Variants in ZNF626 observed in about 807,000 individuals in gnomAD.
ZNF626 encodes the protein zinc finger protein 626.
A neutral mutation model predicts 11.7 loss-of-function variants in ZNF626; 4 were observed. The observed-to-expected ratio is 0.34, with a 90% CI of 0.17 to 0.78. The LOEUF (loss-of-function observed/expected upper bound fraction) is 0.78. Among genes scored for constraint, ZNF626 ranks in the 30% least tolerant of loss-of-function variants. The pLI, the probability that ZNF626 is intolerant of heterozygous loss-of-function variation, is 0.57. For missense variants in ZNF626, 588 were observed against 587.1 expected (o/e 1.00, Z -0.01); for synonymous variants, 179 against 198.6 (o/e 0.90, Z 0.83).
At chr19:20,627,412 C>G (rs575918660) in intron 3 of ZNF626, among the ~76,000 whole-genome samples, 120 of 151,550 alleles carry the variant, frequency 7.9e-4, no homozygotes, top group Admixed American at 1.7e-3. Flanking sequence ...TGTAATCTCC[C>G]AAAGTACCAC....
chr19:20,637,193 A>T (rs1555771001), intron 3 of ZNF626, among the ~76,000 whole-genome samples: 1 of 152,142 alleles, frequency 6.6e-6, no homozygotes, highest in South Asian at 2.1e-4. Flanking sequence ...ACAATATGTA[A>T]ATGTGCATAA....
chr19:20,650,366 T>C (rs868932752), intron 1 of ZNF626, among the ~76,000 whole-genome samples: 5 of 152,214 alleles, frequency 3.3e-5, no homozygotes, highest in African/African-American at 1.2e-4. Context: ...TTTTTGTGAC[T>C]TGTGGAGCAA....
At chr19:20,643,216 A>G (rs1166889868) in intron 3 of ZNF626, among the ~76,000 whole-genome samples, 3 of 152,106 alleles carry the variant, frequency 2.0e-5, no homozygotes, top group African/African-American at 7.2e-5. Context: ...TATGTTTTAA[A>G]TATATGCTAT....
Position 20,645,734 on chromosome 19 carries a change from C to T in ZNF626, c.176G>A (p.Gly59Glu), listed in dbSNP as rs202201622. The change falls in exon 3 of 4, where the codon GGA becomes GAA. Residue 59 changes from glycine to glutamate, a missense_variant. Transcript: ENST00000601440. ...KPDLITCLEQ[G>E]RKPLTMKRNE... ...TCTCTTCATGGTCAAAGGTTTTCTT[C>T]CTTGCTCCAGACAGGTGATCAGGTC... The T allele has an allele frequency of 1.4e-4, 229 of 1,611,802 alleles. 4 individuals carry two copies. Among genetic ancestry groups the T allele is most frequent in the East Asian group, 8.9e-4 (40 of 44,860 alleles).
At chr19:20,657,705 T>C (rs1362676373) in intron 1 of ZNF626, among the ~76,000 whole-genome samples, 4 of 151,808 alleles carry the variant, frequency 2.6e-5, no homozygotes, top group Non-Finnish European at 4.4e-5. Context: ...CATAGGAGGC[T>C]GAGGCAGGAG....
intron 3 of ZNF626, among the ~76,000 whole-genome samples, chr19:20,637,486 A>AAAAAG: frequency 6.7e-6 from 1 of 148,572 alleles, no homozygotes; most frequent in African/African-American, 2.5e-5. Flanking sequence ...CTCTGTCTCA[A>AAAAAG]AAAAAAAAAA....
chr19:20,659,073 C>A (rs568201266), intron 1 of ZNF626, among the ~76,000 whole-genome samples: 1 of 152,142 alleles, frequency 6.6e-6, no homozygotes, highest in Non-Finnish European at 1.5e-5. Context: ...TAATAAAATT[C>A]TCCACCTTTT....
At chr19:20,649,121 T>C (rs184851285) in intron 1 of ZNF626, among the ~76,000 whole-genome samples, 19 of 152,248 alleles carry the variant, frequency 1.2e-4, no homozygotes, top group Admixed American at 5.2e-4. Context: ...CACTTTTTTT[T>C]CTTTCTCCTC....
chr19:20,648,620 C>T (rs1463431894), intron 1 of ZNF626, among the ~76,000 whole-genome samples: 8 of 152,150 alleles, frequency 5.3e-5, no homozygotes, highest in Admixed American at 5.2e-4. Context: ...ATCCACCTGC[C>T]TCAGCCTCCC....
chr19:20,626,875 A>C (rs1969840867), intron 3 of ZNF626, among the ~76,000 whole-genome samples: 1 of 151,766 alleles, frequency 6.6e-6, no homozygotes, highest in South Asian at 2.1e-4. Flanking sequence ...AATTAGCTGG[A>C]ATGCTGGCAG....
At chr19:20,629,263 C>T (rs1432451678) in intron 3 of ZNF626, among the ~76,000 whole-genome samples, 15 of 117,246 alleles carry the variant, frequency 1.3e-4, no homozygotes, top group Non-Finnish European at 1.0e-4. Context: ...CTTGGGGATG[C>T]GGGCTCTTTT....
rs782406248 is a variant in ZNF626, at chr19:20,625,075, A to G, written c.802T>C (p.Ser268Pro). 3 of 1,612,194 alleles carry G rather than the reference A, an allele frequency of 1.9e-6. No individual in the cohort carries two copies. The highest frequency in any genetic ancestry group is 2.2e-5 in the East Asian group (1 of 44,718). ...KCDKCGKAFM[S>P]SSTLSKHEII... ...TCATGTTTACTAAGGGTTGAGGATG[A>G]CATAAAGGCTTTGCCACATTTATCA... Residue 268 changes from serine (S) to proline (P), a missense_variant, in exon 4 of 4, where the codon TCA (serine) becomes CCA (proline). Physicochemically the swap from Ser to Pro is moderately conservative, Grantham distance 74. Coordinates refer to ENST00000601440, the MANE Select transcript of ZNF626 (RefSeq NM_001076675.3).
rs1225500250 is a variant in ZNF626, at chr19:20,621,922, C to T, written c.*2368G>A. ...TAAAATTAGGCTGGACATATTGGCT[C>T]ACACCTATAATCCCAACACTTTGAG... On this transcript the variant is annotated 3_prime_UTR_variant, in exon 4 of 4. Transcript: ENST00000601440. 6.6e-6 allele frequency: 1 copy of T among 152,190 alleles called. No homozygotes were observed. Among genetic ancestry groups the T allele is most frequent in the South Asian group, 2.1e-4 (1 of 4,832 alleles). 9.4% of individuals were successfully genotyped at this position (152,190 alleles called of 1,614,324 possible).
intron 3 of ZNF626, among the ~76,000 whole-genome samples, chr19:20,627,583 C>T (rs868962948): frequency 3.3e-5 from 5 of 151,914 alleles, no homozygotes; most frequent in African/African-American, 1.2e-4. Flanking sequence ...GTAAGTTTTT[C>T]TCTTTCAGAA....
In ZNF626 at chr19:20,621,830, G is replaced by GT; in HGVS notation, c.*2459dup. The GT allele has an allele frequency of 6.6e-6, 1 of 152,250 alleles. No individual in the cohort carries two copies. The highest frequency in any genetic ancestry group is 2.1e-4 in the South Asian group (1 of 4,826). The allele number at this position is 152,250 out of a possible 1,614,324, so 9.4% of individuals were successfully genotyped here. ...ACACCATTTGAGTAAGGCCGGATAG[G>GT]TTAAAGTTAGTGGCATAATAATGCT... On this transcript the variant is annotated 3_prime_UTR_variant, in exon 4 of 4. Coordinates refer to ENST00000601440, the MANE Select transcript of ZNF626 (RefSeq NM_001076675.3).
In ZNF626 at chr19:20,641,051, G is replaced by A. The variant is rs548954057; in HGVS notation, c.226+4633C>T. The stretch of plus-strand genomic sequence containing the variant: ...CTTGGGAGGCTGAAGCAGGAGAATC[G>A]CTTGAACCCAGAAGGCAGAGATTGC... On this transcript the variant is annotated intron_variant, in intron 3 of 3. Transcript: ENST00000601440. Among the ~76,000 whole-genome samples, 17 of 150,308 alleles carry A rather than the reference G, an allele frequency of 1.1e-4. No individual in the cohort carries two copies. The South Asian group carries it at 2.5e-3, about 22-fold the overall frequency.
intron 3 of ZNF626, among the ~76,000 whole-genome samples, chr19:20,640,823 A>C (rs1970016656): frequency 6.6e-6 from 1 of 152,092 alleles, no homozygotes; most frequent in African/African-American, 2.4e-5. Flanking sequence ...AAAGTTATAA[A>C]TGTTTCTCAT....
Position 20,625,205 on chromosome 19 carries a change from A to G in ZNF626, c.672T>C (p.Thr224=). The change falls in exon 4 of 4, where the codon ACT becomes ACC. Residue 224 remains threonine, a synonymous_variant. Coordinates refer to ENST00000601440, the MANE Select transcript of ZNF626 (RefSeq NM_001076675.3). ...CSLTRHKKIH[T]GEKPYKCEEC... is the part of the protein sequence containing the mutation. Reference sequence around the variant, plus strand: ...CTTCACATTTGTAGGGTTTCTCTCCAGTATGAATTTTCTTATGTCTAGTAA... The same window carrying G: ...CTTCACATTTGTAGGGTTTCTCTCCGGTATGAATTTTCTTATGTCTAGTAA... The G allele has an allele frequency of 6.2e-7, 1 of 1,613,350 alleles. No homozygotes were observed. Among genetic ancestry groups the G allele is most frequent in the Admixed American group, 1.7e-5 (1 of 60,004 alleles).
chr19:20,645,211 T>G, intron 3 of ZNF626: 1 of 1,234,982 alleles, frequency 8.1e-7, no homozygotes, highest in South Asian at 3.1e-5. Context: ...CAAGCCTAGA[T>G]AGTAATAAAA....
Sources: gnomAD v4.1 joint callset for allele counts (sites outside exome capture counted in the v4.1 genomes callset) on GRCh38, gnomAD v4.1.1 for gene constraint, MANE v1.5 for transcripts, NCBI Gene and HGNC (gene_info 2026-07-23, HGNC 2026-07-21) for gene names.